The following SEMA3E variants were observed in gnomAD, a reference collection of about 807,000 sequenced individuals.
The protein encoded by SEMA3E is semaphorin-3E.
In SEMA3E, 49 loss-of-function variants were observed where a neutral mutation model predicts 93.6. The observed-to-expected ratio is 0.52, with a 90% confidence interval of 0.42 to 0.66. SEMA3E has a LOEUF of 0.66. Ranked by LOEUF, SEMA3E falls within the 30% of genes least tolerant of loss-of-function variation. The probability of loss-of-function intolerance (pLI) is 0.00; values close to 1 mark genes in which losing one functional copy is unlikely to be tolerated. For missense variants in SEMA3E, 906 were observed against 964.8 expected, an observed-to-expected ratio of 0.94 and a Z score of 0.81; for synonymous variants, 363 against 330.7, an observed-to-expected ratio of 1.10 and a Z score of -1.06.
chr7:83,498,634 T>C lies in SEMA3E; in HGVS notation c.116-8360A>G, dbSNP rs181134998. ...CTGGGATTACAGGTATGTGCCACTA[T>C]GCCCTGCAAATTTTTGTATTTTTTA... On this transcript the variant is annotated intron_variant, in intron 1 of 16. Transcript: ENST00000643230. Among the ~76,000 whole-genome samples, 102 of 152,166 alleles carry C rather than the reference T, an allele frequency of 6.7e-4. 1 individual carries two copies. The highest frequency in any genetic ancestry group is 2.2e-3 in the African/African-American group (93 of 41,518).
intron 5 of SEMA3E, among the ~76,000 whole-genome samples, chr7:83,418,161 T>A (rs1181037105): frequency 6.6e-6 from 1 of 152,192 alleles, no homozygotes; most frequent in Non-Finnish European, 1.5e-5. Context: ...AACGACAATT[T>A]GTTTTCTCAG....
intron 15 of SEMA3E, among the ~76,000 whole-genome samples, chr7:83,386,000 A>C (rs1408703774): frequency 6.6e-6 from 1 of 152,146 alleles, no homozygotes; most frequent in Non-Finnish European, 1.5e-5. Context: ...ACTTGAACTC[A>C]AATTTGCACA....
chr7:83,446,628 C>T (rs189123180), intron 4 of SEMA3E, among the ~76,000 whole-genome samples: 3 of 152,308 alleles, frequency 2.0e-5, no homozygotes, highest in East Asian at 3.9e-4. Context: ...TGCTTAGACA[C>T]AATTGTTACC....
chr7:83,595,571 A>C (rs181005116), intron 1 of SEMA3E, among the ~76,000 whole-genome samples: 226 of 152,158 alleles, frequency 1.5e-3, no homozygotes, highest in African/African-American at 4.6e-3. Flanking sequence ...GATTGCATTT[A>C]GTTGTCATAT....
At chr7:83,489,465 A>C (rs1790335053) in intron 2 of SEMA3E, among the ~76,000 whole-genome samples, 1 of 152,048 alleles carries the variant, frequency 6.6e-6, no homozygotes. Flanking sequence ...TTATAAAGAA[A>C]GTGTATTACA....
chr7:83,569,182 G>C (rs1012183565), intron 1 of SEMA3E, among the ~76,000 whole-genome samples: 3 of 151,750 alleles, frequency 2.0e-5, no homozygotes, highest in Non-Finnish European at 4.4e-5. Flanking sequence ...AACCTAAGGG[G>C]TAAAAGATCT....
chr7:83,443,859 T>C (rs1789170087), intron 4 of SEMA3E, among the ~76,000 whole-genome samples: 1 of 151,786 alleles, frequency 6.6e-6, no homozygotes, highest in South Asian at 2.1e-4. Context: ...GGTCTAGCAA[T>C]TAATAGTTTA....
chr7:83,510,403 A>G (rs1166400322), intron 1 of SEMA3E, among the ~76,000 whole-genome samples: 1 of 152,172 alleles, frequency 6.6e-6, no homozygotes, highest in African/African-American at 2.4e-5. Context: ...AGCTTCTCAT[A>G]TTTCTAGAGG....
chr7:83,469,144 C>T, intron 3 of SEMA3E, 99 bp downstream of exon 3: 6 of 971,054 alleles, frequency 6.2e-6, no homozygotes, highest in Non-Finnish European at 9.8e-6. Flanking sequence ...TGCATACATA[C>T]TTTTATAAGA....
At chr7:83,606,455 C>T (rs986386022) in intron 1 of SEMA3E, among the ~76,000 whole-genome samples, 1 of 150,796 alleles carries the variant, frequency 6.6e-6, no homozygotes, top group African/African-American at 2.4e-5. Flanking sequence ...AGTTCATGTC[C>T]TTTGTAGGGA....
chr7:83,606,008 A>G (rs1793109706), intron 1 of SEMA3E, among the ~76,000 whole-genome samples: 1 of 152,152 alleles, frequency 6.6e-6, no homozygotes, highest in South Asian at 2.1e-4. Flanking sequence ...TATTTTCGTC[A>G]TGAGATCTTT....
chr7:83,385,152 T>C, intron 16 of SEMA3E, 142 bp downstream of exon 16: 2 of 707,988 alleles, frequency 2.8e-6, no homozygotes, highest in Non-Finnish European at 4.6e-6. Flanking sequence ...AAATCACACA[T>C]AACAAATAAA....
At chr7:83,377,808 T>C (rs1787682395) in intron 16 of SEMA3E, among the ~76,000 whole-genome samples, 1 of 151,986 alleles carries the variant, frequency 6.6e-6, no homozygotes, top group Non-Finnish European at 1.5e-5. Context: ...AAATTTTTCC[T>C]CATTTACTCA....
At chr7:83,448,784 G>A (rs1419757380) in intron 4 of SEMA3E, among the ~76,000 whole-genome samples, 1 of 152,190 alleles carries the variant, frequency 6.6e-6, no homozygotes, top group South Asian at 2.1e-4. Context: ...AAATCATCTG[G>A]TTGACACAGT....
chr7:83,402,705 T>C lies in SEMA3E; in HGVS notation c.1070A>G (p.Tyr357Cys). The change falls in exon 10 of 17, where the codon TAT becomes TGT. Residue 357 changes from tyrosine to cysteine, a missense_variant. Coordinates refer to ENST00000643230, the MANE Select transcript of SEMA3E (RefSeq NM_012431.3). ...SSIRAAFNGP[Y>C]AHKEGPEYHW... Reference sequence around the variant, plus strand: ...GTATTCAGGTCCTTCCTTATGTGCATATGGTCCGTTGAAGGCTGCCCGAAT... The same window carrying C: ...GTATTCAGGTCCTTCCTTATGTGCACATGGTCCGTTGAAGGCTGCCCGAAT... 2 of 1,613,042 alleles carry C rather than the reference T, an allele frequency of 1.2e-6. No homozygotes were observed. Among genetic ancestry groups the C allele is most frequent in the Non-Finnish European group, 1.7e-6 (2 of 1,179,250 alleles).
intron 1 of SEMA3E, among the ~76,000 whole-genome samples, chr7:83,574,846 G>A (rs1013533757): frequency 5.9e-5 from 9 of 152,110 alleles, no homozygotes; most frequent in Admixed American, 4.6e-4. Context: ...CAGTCACATG[G>A]GAGAGGCCAG....
chr7:83,472,052 C>T (rs1789908426), intron 2 of SEMA3E, among the ~76,000 whole-genome samples: 1 of 152,158 alleles, frequency 6.6e-6, no homozygotes, highest in Admixed American at 6.5e-5. Flanking sequence ...TCAACTCTCC[C>T]AGCGATGGAT....
chr7:83,648,534 G>A lies in SEMA3E; in HGVS notation c.9C>T (p.Ser3=), dbSNP rs754589877. The A allele has an allele frequency of 6.2e-7, 1 of 1,612,964 alleles. No homozygotes were observed. The highest frequency in any genetic ancestry group is 8.5e-7 in the Non-Finnish European group (1 of 1,179,478). Residue 3 remains serine, a synonymous_variant, in exon 1 of 17, where the codon TCC becomes TCT. Coordinates refer to ENST00000643230, the MANE Select transcript of SEMA3E (RefSeq NM_012431.3). The part of the protein sequence containing the change: MA[S]AGHIITLLLW... Reference sequence around the variant, plus strand: ...GGAGCAAGGTGATAATGTGCCCCGCGGATGCCATGCTGCCGTGTTCACCGT... The same window carrying A: ...GGAGCAAGGTGATAATGTGCCCCGCAGATGCCATGCTGCCGTGTTCACCGT...
intron 1 of SEMA3E, among the ~76,000 whole-genome samples, chr7:83,511,805 G>T (rs1790826983): frequency 6.6e-6 from 1 of 152,070 alleles, no homozygotes; most frequent in Non-Finnish European, 1.5e-5. Flanking sequence ...TGAGGCACGA[G>T]AATCGCTTGA....
Sources: gnomAD v4.1 joint callset for allele counts (sites outside exome capture counted in the v4.1 genomes callset) on GRCh38, gnomAD v4.1.1 for gene constraint, MANE v1.5 for transcripts, NCBI Gene and HGNC (gene_info 2026-07-23, HGNC 2026-07-21) for gene names.